The following TYW1 variants were observed in gnomAD, a reference collection of about 807,000 sequenced individuals.
TYW1 encodes the protein S-adenosyl-L-methionine-dependent tRNA 4-demethylwyosine synthase TYW1.
A neutral mutation model predicts 96.2 loss-of-function variants in TYW1; 46 were observed. The observed-to-expected ratio is 0.48, with a 90% confidence interval of 0.38 to 0.61. TYW1 has a LOEUF of 0.61. Ranked by LOEUF, TYW1 falls within the 20% of genes least tolerant of loss-of-function variation. TYW1 has a pLI of 0.00. For missense variants in TYW1, 684 were observed against 909.6 expected (o/e 0.75, Z 3.19); for synonymous variants, 274 against 323.0 (o/e 0.85, Z 1.63).
At chr7:67,039,589 A>G (rs548220090) in intron 7 of TYW1, among the ~76,000 whole-genome samples, 2 of 152,160 alleles carry the variant, frequency 1.3e-5, no homozygotes, top group African/African-American at 4.8e-5. Context: ...AGGAACATAG[A>G]GTTGTTGTAT....
intron 6 of TYW1, among the ~76,000 whole-genome samples, chr7:67,023,184 C>T (rs1303084292): frequency 6.6e-6 from 1 of 152,076 alleles, no homozygotes; most frequent in Non-Finnish European, 1.5e-5. Flanking sequence ...GCAACCTCCA[C>T]CTCCTGGGTT....
intron 13 of TYW1, among the ~76,000 whole-genome samples, chr7:67,156,536 C>A (rs1584631156): frequency 6.6e-6 from 1 of 152,156 alleles, no homozygotes; most frequent in Non-Finnish European, 1.5e-5. Flanking sequence ...TGGCTCTTTT[C>A]GTCCTGGGAG....
At chr7:67,034,109 ATTT>A (rs11324667) in intron 7 of TYW1, among the ~76,000 whole-genome samples, 1 of 141,320 alleles carries the variant, frequency 7.1e-6, no homozygotes. Context: ...TTTTTATTTT[ATTT>A]TTTTTTTTTG....
intron 12 of TYW1, among the ~76,000 whole-genome samples, chr7:67,102,432 A>G (rs1049927305): frequency 1.2e-4 from 19 of 152,124 alleles, no homozygotes; most frequent in Admixed American, 1.3e-4. Context: ...AATGAGATAG[A>G]ATGGCATATG....
At chr7:67,217,360 A>G (rs937761372) in intron 15 of TYW1, among the ~76,000 whole-genome samples, 1 of 152,110 alleles carries the variant, frequency 6.6e-6, no homozygotes, top group Non-Finnish European at 1.5e-5. Flanking sequence ...CTTTTGCCAT[A>G]TGTTTCCTTC....
At chr7:67,133,755 G>A (rs1018414252) in intron 13 of TYW1, among the ~76,000 whole-genome samples, 1 of 150,488 alleles carries the variant, frequency 6.6e-6, no homozygotes, top group African/African-American at 2.5e-5. Context: ...TGAGCATTTT[G>A]TTGTGTTTGG....
rs1796027845 is a variant in TYW1, at chr7:67,071,464, T to TC, written c.1274+4063dup. ...ACATTTCTTTCGCTTTTTTTTTTTTTCCTTTTGAGACAGGGTCTTGCTCTG... is the reference window on the plus strand; with the variant it reads ...ACATTTCTTTCGCTTTTTTTTTTTTTCCCTTTTGAGACAGGGTCTTGCTCTG... On this transcript the variant is annotated intron_variant, in intron 10 of 15. Coordinates refer to ENST00000359626, the MANE Select transcript of TYW1 (RefSeq NM_018264.4). Among the ~76,000 whole-genome samples, 4 of 151,390 alleles carry TC rather than the reference T, an allele frequency of 2.6e-5. 1 individual carries two copies. The highest frequency in any genetic ancestry group is 9.7e-5 in the African/African-American group (4 of 41,280).
chr7:67,120,655 C>T (rs1797733806), intron 13 of TYW1, among the ~76,000 whole-genome samples: 2 of 152,184 alleles, frequency 1.3e-5, no homozygotes, highest in South Asian at 4.1e-4. Flanking sequence ...CTGGCAAAGT[C>T]AGGCCCATCT....
intron 12 of TYW1, among the ~76,000 whole-genome samples, chr7:67,102,874 C>A (rs1299121856): frequency 1.3e-5 from 2 of 152,148 alleles, no homozygotes; most frequent in Non-Finnish European, 2.9e-5. Flanking sequence ...TGGTCTCGAT[C>A]TCCTGACCTC....
intron 13 of TYW1, among the ~76,000 whole-genome samples, chr7:67,153,744 T>G (rs1415973452): frequency 1.3e-5 from 2 of 152,198 alleles, no homozygotes; most frequent in Non-Finnish European, 2.9e-5. Context: ...TTATACTAAC[T>G]ATACTTGAAT....
intron 3 of TYW1, among the ~76,000 whole-genome samples, chr7:67,000,874 C>T (rs1238248909): frequency 2.0e-5 from 3 of 152,026 alleles, no homozygotes; most frequent in East Asian, 3.9e-4. Context: ...GTGGAAGTTG[C>T]GCAGAATAGT....
intron 14 of TYW1, among the ~76,000 whole-genome samples, chr7:67,183,540 G>A (rs1172363773): frequency 1.3e-5 from 2 of 152,182 alleles, no homozygotes; most frequent in African/African-American, 4.8e-5. Context: ...AAATAAAATA[G>A]TGTGGTGGTG....
At chr7:67,121,001 G>A (rs1429246440) in intron 13 of TYW1, among the ~76,000 whole-genome samples, 1 of 152,178 alleles carries the variant, frequency 6.6e-6, no homozygotes, top group Non-Finnish European at 1.5e-5. Flanking sequence ...GCATTTTGTA[G>A]CAATTAAGAG....
chr7:67,153,925 CTTTTT>C (rs34003922), intron 13 of TYW1, among the ~76,000 whole-genome samples: 2 of 130,314 alleles, frequency 1.5e-5, no homozygotes, highest in African/African-American at 2.8e-5. Context: ...TAACGACTTT[CTTTTT>C]TTTTTTTTTT....
chr7:67,051,732 G>GTTTTTTTTTT (rs201852688), intron 8 of TYW1, among the ~76,000 whole-genome samples: 3 of 123,958 alleles, frequency 2.4e-5, no homozygotes, highest in Non-Finnish European at 3.5e-5. Flanking sequence ...TTGTTTTTTT[G>GTTTTTTTTTT]TTTTTTTTTT....
intron 13 of TYW1, among the ~76,000 whole-genome samples, chr7:67,180,596 C>T (rs1486016210): frequency 2.0e-5 from 3 of 150,566 alleles, no homozygotes; most frequent in Admixed American, 1.3e-4. Flanking sequence ...TAAGAAAGAG[C>T]AGAAATTCTT....
chr7:67,236,393 G>A (rs1801891971), intron 15 of TYW1, among the ~76,000 whole-genome samples: 1 of 152,246 alleles, frequency 6.6e-6, no homozygotes, highest in African/African-American at 2.4e-5. Context: ...CCCAGAGGAA[G>A]GGCCTGCGTG....
intron 11 of TYW1, among the ~76,000 whole-genome samples, chr7:67,087,946 C>T (rs1250033071): frequency 6.6e-6 from 1 of 152,120 alleles, no homozygotes; most frequent in Non-Finnish European, 1.5e-5. Flanking sequence ...TCACTGCAAC[C>T]TCTGCCTCCT....
intron 3 of TYW1, 84 bp from the exon 4 acceptor site, chr7:67,009,499 C>A: frequency 1.7e-6 from 2 of 1,198,016 alleles, no homozygotes; most frequent in Non-Finnish European, 2.4e-6. Context: ...ATGAGGAATG[C>A]CACATTCTTG....
Sources: gnomAD v4.1 joint callset for allele counts (sites outside exome capture counted in the v4.1 genomes callset) on GRCh38, gnomAD v4.1.1 for gene constraint, MANE v1.5 for transcripts, NCBI Gene and HGNC (gene_info 2026-07-23, HGNC 2026-07-21) for gene names.